ERN1: variants seen among roughly 807,000 people sequenced by gnomAD.
ERN1 encodes the protein serine/threonine-protein kinase/endoribonuclease IRE1.
ERN1 carries 39 observed loss-of-function variants against 113.1 expected under a neutral mutation model. That is an observed-to-expected ratio of 0.34 (90% CI 0.27 to 0.45). The LOEUF is 0.45. Among genes scored for constraint, ERN1 ranks in the 20% least tolerant of loss-of-function variants. The probability of loss-of-function intolerance (pLI) is 1.00; values close to 1 mark genes in which losing one functional copy is unlikely to be tolerated. For missense variants in ERN1, 976 were observed against 1,274.8 expected (o/e 0.77, Z 3.57); for synonymous variants, 507 against 515.9 (o/e 0.98, Z 0.23).
chr17:64,086,368 CATAG>C (rs1309650097), intron 2 of ERN1, among the ~76,000 whole-genome samples: 2 of 152,148 alleles, frequency 1.3e-5, no homozygotes, highest in Admixed American at 6.5e-5. Context: ...ATGACCACGT[CATAG>C]ATACTCATTT....
Position 64,124,905 on chromosome 17 carries a change from T to C in ERN1, c.54+5071A>G, listed in dbSNP as rs1047105742. 8.5e-5 allele frequency among the ~76,000 whole-genome samples: 13 copies of C among 152,332 alleles called. 2 individuals are homozygous for C. Among genetic ancestry groups the C allele is most frequent in the Admixed American group, 2.0e-4 (3 of 15,302 alleles). ...CACATAATGTATGATTCCATTTATA[T>C]AAGAGGTCCAGAATAGGCAAATTTA... On this transcript the variant is annotated intron_variant, in intron 1 of 21. Coordinates refer to ENST00000433197, the MANE Select transcript of ERN1 (RefSeq NM_001433.5).
At chr17:64,050,345 G>A (rs9909672) in intron 17 of ERN1, among the ~76,000 whole-genome samples, 3 of 152,116 alleles carry the variant, frequency 2.0e-5, no homozygotes, top group African/African-American at 7.2e-5. Context: ...ACAACACTAA[G>A]GTGAAGAGGC....
chr17:64,086,868 A>T (rs1206574671), intron 2 of ERN1, among the ~76,000 whole-genome samples: 1 of 151,714 alleles, frequency 6.6e-6, no homozygotes, highest in Non-Finnish European at 1.5e-5. Flanking sequence ...CTGGTCTTGA[A>T]TTCCTGACCT....
intron 1 of ERN1, among the ~76,000 whole-genome samples, chr17:64,128,047 G>A (rs757142166): frequency 1.3e-5 from 2 of 151,578 alleles, no homozygotes; most frequent in Non-Finnish European, 2.9e-5. Context: ...TGTCACCCAG[G>A]CTGGAGCACA....
intron 1 of ERN1, among the ~76,000 whole-genome samples, chr17:64,127,691 T>C (rs1567891848): frequency 2.7e-5 from 4 of 149,624 alleles, no homozygotes; most frequent in Admixed American, 2.0e-4. Flanking sequence ...GAGGCGGAGG[T>C]TGCAGTGAGC....
chr17:64,108,865 G>C (rs182826375), intron 1 of ERN1, among the ~76,000 whole-genome samples: 1 of 152,292 alleles, frequency 6.6e-6, no homozygotes, highest in African/African-American at 2.4e-5. Context: ...GCTCATGCCT[G>C]TAATCCCAGC....
In ERN1 at chr17:64,055,854, A is replaced by T; in HGVS notation, c.1493T>A (p.Phe498Tyr). The T allele has an allele frequency of 6.4e-7, 1 of 1,552,966 alleles. No homozygotes were observed. Among genetic ancestry groups the T allele is most frequent in the Non-Finnish European group, 8.7e-7 (1 of 1,147,974 alleles). Residue 498 changes from phenylalanine (F) to tyrosine (Y), a missense_variant, in exon 13 of 22, where the codon TTC becomes TAC. By Grantham distance (22) the Phe-to-Tyr change is conservative. Around this residue, in one of 5 missense-constraint regions of ERN1, gnomAD observed 112 missense variants for 106.2 expected, o/e 1.05. Transcript: ENST00000433197. ...CTGAGCCGTGTCTCCAGGTGGGTGG[A>T]AGGGCAGCTGCTGCTGCTGCTGCTG... is the stretch of plus-strand genomic sequence containing the variant. Reference protein sequence around the residue: ...LLQQQQQQLPFHPPGDTAQDG... With the variant: ...LLQQQQQQLPYHPPGDTAQDG...
intron 20 of ERN1, 105 bp downstream of exon 20, chr17:64,045,254 G>T: frequency 7.6e-7 from 1 of 1,320,954 alleles, no homozygotes. Flanking sequence ...TGACAGGTGG[G>T]ATGTGGGGCC....
intron 1 of ERN1, among the ~76,000 whole-genome samples, chr17:64,107,466 C>T (rs1271093944): frequency 2.0e-5 from 3 of 151,946 alleles, no homozygotes; most frequent in Non-Finnish European, 4.4e-5. Context: ...CGACTACAAG[C>T]ATGCACCACT....
chr17:64,093,405 C>G lies in ERN1; in HGVS notation c.175+4716G>C, dbSNP rs549281488. Among the ~76,000 whole-genome samples, 3 of 152,306 alleles carry G rather than the reference C, an allele frequency of 2.0e-5. No individual in the cohort carries two copies. In the South Asian group the frequency reaches 6.2e-4, roughly 32 times the overall value. ...CCTGGCCCCATCTGTTCAGTTTCAA[C>G]ACAGCACTTGTTGATCTTGTAAAGT... On this transcript the variant is annotated intron_variant, in intron 2 of 21. Transcript: ENST00000433197.
intron 6 of ERN1, among the ~76,000 whole-genome samples, chr17:64,070,855 A>T (rs148801973): frequency 3.9e-5 from 6 of 152,310 alleles, no homozygotes; most frequent in African/African-American, 1.4e-4. Context: ...TGCTGCACAT[A>T]TGGTAATAAG....
In ERN1 at chr17:64,052,953, T is replaced by G; in HGVS notation, c.2080A>C (p.Ile694Leu). Reference protein sequence around the residue: ...IVHRDLKPHNILISMPNAHGK... With the variant: ...IVHRDLKPHNLLISMPNAHGK... Reference sequence around the variant, plus strand: ...TGTGCATTGGGCATGGATATGAGGATGTTGTGTGGCTTTAGGTCTCTGTGA... The same window carrying G: ...TGTGCATTGGGCATGGATATGAGGAGGTTGTGTGGCTTTAGGTCTCTGTGA... The change falls in exon 17 of 22, where the codon ATC (isoleucine) becomes CTC (leucine). Residue 694 changes from isoleucine to leucine, a missense_variant. Ile to Leu is a conservative substitution (Grantham distance 5). This residue lies in a region of ERN1 where 297 missense variants were observed against 457.8 expected (regional missense o/e 0.65). Coordinates refer to ENST00000433197, the MANE Select transcript of ERN1 (RefSeq NM_001433.5). 1 of 1,613,132 alleles carries G rather than the reference T, an allele frequency of 6.2e-7. No individual in the cohort carries two copies. Among genetic ancestry groups the G allele is most frequent in the Non-Finnish European group, 8.5e-7 (1 of 1,179,400 alleles).
At chr17:64,090,353 G>C (rs1320968808) in intron 2 of ERN1, among the ~76,000 whole-genome samples, 3 of 152,210 alleles carry the variant, frequency 2.0e-5, no homozygotes, top group African/African-American at 7.2e-5. Context: ...ACTAAAAGCA[G>C]CTGAAGTCTA....
At chr17:64,094,673 C>T (rs902300052) in intron 2 of ERN1, among the ~76,000 whole-genome samples, 9 of 151,140 alleles carry the variant, frequency 6.0e-5, no homozygotes, top group African/African-American at 1.5e-4. Context: ...CCCGCTATGC[C>T]GGCTGTCTAC....
intron 19 of ERN1, 117 bp from the exon 20 acceptor site, chr17:64,045,599 G>GGGTGCCTGCTGCC: frequency 1.5e-6 from 2 of 1,325,606 alleles, no homozygotes; most frequent in Non-Finnish European, 1.1e-6. Context: ...GAGCTGGGCA[G>GGGTGCCTGCTGCC]CAGGCACCCT....
At chr17:64,103,533 C>T (rs190803579) in intron 1 of ERN1, among the ~76,000 whole-genome samples, 60 of 150,666 alleles carry the variant, frequency 4.0e-4, no homozygotes, top group Non-Finnish European at 7.2e-4. Flanking sequence ...ACACAAAATC[C>T]AGCAGCTTCC....
intron 1 of ERN1, among the ~76,000 whole-genome samples, chr17:64,121,319 G>C (rs778703171): frequency 6.6e-6 from 1 of 152,216 alleles, no homozygotes; most frequent in Non-Finnish European, 1.5e-5. Context: ...TGAAGGCTGT[G>C]ACTGAGCTAG....
intron 11 of ERN1, 62 bp from the exon 12 acceptor site, chr17:64,058,055 G>C (rs894168656): frequency 3.1e-5 from 40 of 1,274,172 alleles, no homozygotes; most frequent in Admixed American, 5.4e-5. Context: ...GATGAGGCCA[G>C]CAATCAAGAG....
chr17:64,057,807 G>T lies in ERN1; in HGVS notation c.1393C>A (p.Pro465Thr). 3 of 1,613,442 alleles carry T rather than the reference G, an allele frequency of 1.9e-6. No individual in the cohort carries two copies. Among genetic ancestry groups the T allele is most frequent in the African/African-American group, 1.3e-5 (1 of 75,050 alleles). ...GGGGAATTGTTGAGCTTTACCAGGG[G>T]ATAGGTGATGATGAAGGCCACCCAG... ...IGWVAFIITY[P>T]LSMHQQQQLQ... The change falls in exon 12 of 22, where the codon CCC becomes ACC. Residue 465 changes from proline (P) to threonine (T), a missense_variant. Pro to Thr is a conservative substitution (Grantham distance 38). Transcript: ENST00000433197.
Sources: gnomAD v4.1 joint callset for allele counts (sites outside exome capture counted in the v4.1 genomes callset) on GRCh38, gnomAD v4.1.1 for gene constraint, gnomAD v4.1.1 regional missense constraint, MANE v1.5 for transcripts, NCBI Gene and HGNC (gene_info 2026-07-23, HGNC 2026-07-21) for gene names.